The following ADAMTS19 variants were observed in gnomAD, a reference collection of about 807,000 sequenced individuals.
ADAMTS19 encodes ADAM metallopeptidase with thrombospondin type 1 motif 19, also known as A disintegrin and metalloproteinase with thrombospondin motifs 19.
ADAMTS19 carries 93 observed loss-of-function variants against 153.3 expected under a neutral mutation model. That is an observed-to-expected ratio of 0.61 (90% CI 0.51 to 0.72). The LOEUF is 0.72. ADAMTS19 is among the 30% of genes least tolerant of loss of function. The pLI, the probability that ADAMTS19 is intolerant of heterozygous loss-of-function variation, is 0.00. For missense variants in ADAMTS19, 1,482 were observed against 1,552.1 expected, an observed-to-expected ratio of 0.95 and a Z score of 0.76; for synonymous variants, 600 against 556.6, an observed-to-expected ratio of 1.08 and a Z score of -1.10.
chr5:129,493,215 C>G (rs1445611564), intron 2 of ADAMTS19, among the ~76,000 whole-genome samples: 1 of 152,088 alleles, frequency 6.6e-6, no homozygotes, highest in Non-Finnish European at 1.5e-5. Flanking sequence ...TCATTTTTAT[C>G]AACTATATGT....
chr5:129,724,087 A>C (rs868574817), intron 21 of ADAMTS19, among the ~76,000 whole-genome samples: 1 of 152,172 alleles, frequency 6.6e-6, no homozygotes, highest in Admixed American at 6.6e-5. Flanking sequence ...ATAGATTGTA[A>C]ATGTTTCTTA....
chr5:129,684,257 T>C lies in ADAMTS19; in HGVS notation c.2802T>C (p.Asp934=). 2 of 1,614,102 alleles carry C rather than the reference T, an allele frequency of 1.2e-6. No individual in the cohort carries two copies. Among genetic ancestry groups the C allele is most frequent in the Non-Finnish European group, 1.7e-6 (2 of 1,180,004 alleles). Residue 934 remains aspartate, a synonymous_variant, in exon 18 of 23, where the codon GAT becomes GAC. Coordinates refer to ENST00000274487, the MANE Select transcript of ADAMTS19 (RefSeq NM_133638.6). ...CACACACAAGCTGGGAAGATTGCGA[T>C]GCCACTTGTGGAGGAGGTGAAGGAT... ...MWTHTSWEDC[D]ATCGGGERKT...
intron 2 of ADAMTS19, among the ~76,000 whole-genome samples, chr5:129,505,849 T>A (rs1415275785): frequency 6.6e-6 from 1 of 152,092 alleles, no homozygotes; most frequent in African/African-American, 2.4e-5. Flanking sequence ...TTACATGAAA[T>A]GACTCGAGTT....
At chr5:129,570,752 A>C (rs1198292383) in intron 7 of ADAMTS19, among the ~76,000 whole-genome samples, 2 of 151,986 alleles carry the variant, frequency 1.3e-5, no homozygotes, top group Admixed American at 6.6e-5. Flanking sequence ...CAGGAAATAA[A>C]GGCTGGTTCA....
chr5:129,477,891 C>A (rs1288347915), intron 2 of ADAMTS19, among the ~76,000 whole-genome samples: 1 of 152,220 alleles, frequency 6.6e-6, no homozygotes, highest in Non-Finnish European at 1.5e-5. Context: ...TCCATTACCT[C>A]TCACTGTAGA....
intron 6 of ADAMTS19, among the ~76,000 whole-genome samples, chr5:129,531,971 G>GA (rs1275070929): frequency 6.6e-6 from 1 of 151,726 alleles, no homozygotes; most frequent in Non-Finnish European, 1.5e-5. Flanking sequence ...ACACCTTTGC[G>GA]AAAAAAATGA....
intron 10 of ADAMTS19, among the ~76,000 whole-genome samples, chr5:129,631,123 T>A (rs931211380): frequency 6.6e-6 from 1 of 151,592 alleles, no homozygotes; most frequent in Non-Finnish European, 1.5e-5. Flanking sequence ...CATACCACTA[T>A]TGGGAATATA....
chr5:129,628,547 A>C (rs973431525), intron 10 of ADAMTS19, among the ~76,000 whole-genome samples: 4 of 152,062 alleles, frequency 2.6e-5, no homozygotes, highest in Admixed American at 2.6e-4. Flanking sequence ...AAAGGGTTTG[A>C]CACATCATTA....
intron 7 of ADAMTS19, among the ~76,000 whole-genome samples, chr5:129,573,611 GA>G: frequency 6.6e-6 from 1 of 152,026 alleles, no homozygotes; most frequent in Non-Finnish European, 1.5e-5. Flanking sequence ...TGGTTCACAA[GA>G]AAAGCAAAGC....
intron 19 of ADAMTS19, among the ~76,000 whole-genome samples, chr5:129,699,176 C>A (rs1216868312): frequency 6.6e-6 from 1 of 152,112 alleles, no homozygotes; most frequent in Non-Finnish European, 1.5e-5. Context: ...AATCCCAGCT[C>A]TTTAGGAGGC....
At chr5:129,521,944 G>A (rs1352387473) in intron 3 of ADAMTS19, among the ~76,000 whole-genome samples, 10 of 152,198 alleles carry the variant, frequency 6.6e-5, no homozygotes, top group Admixed American at 6.6e-4. Flanking sequence ...ATCTCATCCA[G>A]CAATGAAGAC....
intron 7 of ADAMTS19, among the ~76,000 whole-genome samples, chr5:129,581,580 G>A (rs1272640040): frequency 6.7e-6 from 1 of 150,208 alleles, no homozygotes; most frequent in Non-Finnish European, 1.5e-5. Flanking sequence ...TTTTTGAAGG[G>A]TTTTTCGTGT....
At chr5:129,551,994 G>C (rs1581075973) in intron 7 of ADAMTS19, 87 bp downstream of exon 7, 1 of 834,204 alleles carries the variant, frequency 1.2e-6, no homozygotes, top group South Asian at 2.0e-5. Flanking sequence ...TTGTGTTCTG[G>C]TTATAAAGGA....
rs183313654 is a variant in ADAMTS19, at chr5:129,603,657, C to A, written c.1478+6993C>A. ...AATATACCTATTAATAGCATAATCC[C>A]GTGACCATTTTCTGACCTTGCTAAA... On this transcript the variant is annotated intron_variant, in intron 8 of 22. Transcript: ENST00000274487. Among the ~76,000 whole-genome samples the A allele has an allele frequency of 1.1e-3, 166 of 152,176 alleles. 1 individual carries two copies. The highest frequency in any genetic ancestry group is 3.9e-3 in the African/African-American group (163 of 41,534).
chr5:129,461,831 G>A lies in ADAMTS19; in HGVS notation c.747+74G>A. 6.9e-7 allele frequency: 1 copy of A among 1,446,860 alleles called. No homozygotes were observed. The highest frequency in any genetic ancestry group is 9.0e-7 in the Non-Finnish European group (1 of 1,108,092). 89.6% of individuals were successfully genotyped at this position (1,446,860 alleles called of 1,614,324 possible). A position where few individuals can be genotyped will look rare whatever the true frequency, so the allele number is the denominator to read the frequency against. ...CCTTGCCCATAGGTCAGGATGATTT[G>A]CATGCACCTTCTCCCCTTTCAGTGT... On this transcript the variant is annotated intron_variant, in intron 2 of 22. Coordinates refer to ENST00000274487, the MANE Select transcript of ADAMTS19 (RefSeq NM_133638.6). The surrounding 1 kb of genome is among the most constrained non-coding windows in gnomAD (Gnocchi z 4.6).
Position 129,621,870 on chromosome 5 carries a change from G to T in ADAMTS19, c.1620-328G>T, listed in dbSNP as rs1751791875. Reference sequence around the variant, plus strand: ...TCTTATATTCACATACTACTTTTGGGCAAGTTACTCTCTGACTCTGAGCCT... The same window carrying T: ...TCTTATATTCACATACTACTTTTGGTCAAGTTACTCTCTGACTCTGAGCCT... On this transcript the variant is annotated intron_variant, in intron 9 of 22. Transcript: ENST00000274487. 5.3e-5 allele frequency among the ~76,000 whole-genome samples: 8 copies of T among 152,012 alleles called. No homozygotes were observed. In the South Asian group the frequency reaches 1.7e-3, roughly 32 times the overall value.
At chr5:129,564,623 A>G (rs1024630099) in intron 7 of ADAMTS19, among the ~76,000 whole-genome samples, 2 of 152,210 alleles carry the variant, frequency 1.3e-5, no homozygotes, top group African/African-American at 4.8e-5. Flanking sequence ...ACTTAATACA[A>G]TTCTGTAATC....
chr5:129,694,414 A>G lies in ADAMTS19; in HGVS notation c.2819-306A>G, dbSNP rs182727050. 1.2e-3 allele frequency among the ~76,000 whole-genome samples: 177 copies of G among 152,240 alleles called. 1 individual carries two copies. The highest frequency in any genetic ancestry group is 4.2e-3 in the African/African-American group (175 of 41,576). On this transcript the variant is annotated intron_variant, in intron 18 of 22. Coordinates refer to ENST00000274487, the MANE Select transcript of ADAMTS19 (RefSeq NM_133638.6). ...AATCAATTGAGTGACTATAGTTAAC[A>G]TTAATAGATTGTACATTTCAAAATA... is the stretch of plus-strand genomic sequence containing the variant.
chr5:129,590,470 T>A (rs1238414697), intron 7 of ADAMTS19, among the ~76,000 whole-genome samples: 2 of 152,218 alleles, frequency 1.3e-5, no homozygotes, highest in Non-Finnish European at 2.9e-5. Flanking sequence ...AGATTTATTA[T>A]AACTTTTATT....
Sources: allele counts gnomAD v4.1 joint callset (sites outside exome capture counted in the v4.1 genomes callset), GRCh38; gene constraint gnomAD v4.1.1; non-coding constraint Gnocchi (gnomAD v3.1); transcripts MANE v1.5; gene names NCBI Gene and HGNC (gene_info 2026-07-23, HGNC 2026-07-21).